CCDC33: variants seen among roughly 807,000 people sequenced by gnomAD.
The protein encoded by CCDC33 is coiled-coil domain-containing protein 33.
In CCDC33, 94 loss-of-function variants were observed where a neutral mutation model predicts 91.9. The ratio of observed to expected loss-of-function variants is 1.02; its 90% CI spans 0.87 to 1.21. The LOEUF (loss-of-function observed/expected upper bound fraction) is 1.21. CCDC33 is among the 50% of genes most tolerant of loss of function. The pLI is 0.00. For synonymous variants in CCDC33, 396 were observed against 374.5 expected, an observed-to-expected ratio of 1.06 and a Z score of -0.66; for missense variants, 940 against 935.5, an observed-to-expected ratio of 1.00 and a Z score of -0.06.
chr15:74,285,883 C>G (rs2059463143), intron 10 of CCDC33, among the ~76,000 whole-genome samples: 1 of 152,192 alleles, frequency 6.6e-6, no homozygotes, highest in Non-Finnish European at 1.5e-5. Context: ...TACAAAAACA[C>G]ATACACAGAA....
intron 2 of CCDC33, among the ~76,000 whole-genome samples, chr15:74,229,072 A>G (rs2074890839): frequency 6.6e-6 from 1 of 152,150 alleles, no homozygotes; most frequent in Non-Finnish European, 1.5e-5. Flanking sequence ...GAGGTACCCA[A>G]GGCTGTCACC....
chr15:74,328,911 C>T (rs2060367657), intron 11 of CCDC33, among the ~76,000 whole-genome samples: 1 of 152,222 alleles, frequency 6.6e-6, no homozygotes, highest in Admixed American at 6.5e-5. Flanking sequence ...AGGGGCTCAG[C>T]AAACGCAGGA....
intron 11 of CCDC33, among the ~76,000 whole-genome samples, chr15:74,297,960 A>T (rs2059720951): frequency 6.6e-6 from 1 of 152,182 alleles, no homozygotes; most frequent in Non-Finnish European, 1.5e-5. Flanking sequence ...AGAAGCAGGA[A>T]CCACAAGCAC....
chr15:74,295,690 C>T, intron 10 of CCDC33, 64 bp from the exon 11 acceptor site: 4 of 1,418,394 alleles, frequency 2.8e-6, no homozygotes, highest in Middle Eastern at 1.9e-4. Flanking sequence ...AGATGGTGTG[C>T]TTATGGTAGA....
chr15:74,228,078 T>C (rs1156688999), intron 2 of CCDC33, among the ~76,000 whole-genome samples: 1 of 152,206 alleles, frequency 6.6e-6, no homozygotes, highest in Non-Finnish European at 1.5e-5. Context: ...TGAACCCTGA[T>C]TCTATGCCAG....
intron 11 of CCDC33, among the ~76,000 whole-genome samples, chr15:74,322,033 G>A (rs1265068044): frequency 6.6e-6 from 1 of 152,142 alleles, no homozygotes; most frequent in Non-Finnish European, 1.5e-5. Flanking sequence ...GGAGTGGCCA[G>A]GGCTAAATTC....
intron 2 of CCDC33, 105 bp from the exon 3 acceptor site, chr15:74,262,335 T>C (rs1414445185): frequency 2.8e-6 from 4 of 1,436,408 alleles, no homozygotes; most frequent in Non-Finnish European, 3.8e-6. Flanking sequence ...GCTCTCCATA[T>C]TCTGTCCACC....
chr15:74,314,935 C>A (rs1352898169), intron 11 of CCDC33, among the ~76,000 whole-genome samples: 1 of 152,254 alleles, frequency 6.6e-6, no homozygotes, highest in Non-Finnish European at 1.5e-5. Flanking sequence ...CCAGAGAAGT[C>A]TGACAGCCTG....
At chr15:74,209,694 T>A in intron 2 of CCDC33, 5 of 503,492 alleles carry the variant, frequency 9.9e-6, no homozygotes, top group Non-Finnish European at 1.8e-5. Flanking sequence ...GCATCCCCCC[T>A]CACCTGAGCA....
rs1212580768 is a variant in CCDC33, at chr15:74,280,035, G to A, written c.832G>A (p.Ala278Thr). ...QSFLFQGRDGATSFSEDTALV... is the reference protein window; with the variant it reads ...QSFLFQGRDGTTSFSEDTALV... The stretch of plus-strand genomic sequence containing the variant: ...CTTCCTCTTCCAAGGCCGAGATGGA[G>A]CTACCAGCTTCTCAGAAGACACAGC... The change falls in exon 8 of 19, where the codon GCT (alanine) becomes ACT (threonine). Residue 278 changes from alanine (A) to threonine (T), a missense_variant. By Grantham distance (58) the Ala-to-Thr change is moderately conservative (BLOSUM62 0). Coordinates refer to ENST00000398814, the MANE Select transcript of CCDC33 (RefSeq NM_025055.5). 4 of 1,614,070 alleles carry A rather than the reference G, an allele frequency of 2.5e-6. No individual in the cohort carries two copies. Among genetic ancestry groups the A allele is most frequent in the Non-Finnish European group, 3.4e-6 (4 of 1,180,040 alleles).
intron 1 of CCDC33, chr15:74,207,946 G>C: frequency 6.9e-7 from 1 of 1,453,258 alleles, no homozygotes; most frequent in Non-Finnish European, 9.1e-7. Context: ...TCCACCTCCT[G>C]TCTCTCTACC....
chr15:74,319,972 AAC>A (rs2060172935), intron 11 of CCDC33, among the ~76,000 whole-genome samples: 1 of 152,202 alleles, frequency 6.6e-6, no homozygotes, highest in Non-Finnish European at 1.5e-5. Flanking sequence ...TCTTTGCCAT[AAC>A]CTTGGGCTGA....
chr15:74,241,570 G>T (rs1304300422), intron 1 of CCDC33, among the ~76,000 whole-genome samples: 1 of 152,236 alleles, frequency 6.6e-6, no homozygotes, highest in Non-Finnish European at 1.5e-5. Flanking sequence ...CCATTGCAAG[G>T]CTCTGAGAGA....
At chr15:74,221,895 A>T (rs919375147) in intron 2 of CCDC33, among the ~76,000 whole-genome samples, 1 of 152,042 alleles carries the variant, frequency 6.6e-6, no homozygotes, top group African/African-American at 2.4e-5. Context: ...GGCAGGTTTG[A>T]GACCATAGAG....
chr15:74,238,340 G>A (rs1358715761), intron 1 of CCDC33, among the ~76,000 whole-genome samples: 4 of 149,132 alleles, frequency 2.7e-5, no homozygotes, highest in African/African-American at 9.9e-5. Context: ...CCCAGGAGGC[G>A]GAGGTTGCAG....
intron 2 of CCDC33, among the ~76,000 whole-genome samples, chr15:74,221,865 G>A (rs1198831574): frequency 6.6e-6 from 1 of 152,092 alleles, no homozygotes; most frequent in African/African-American, 2.4e-5. Flanking sequence ...CCCCCTCAGC[G>A]CTGCCTCCTG....
At chr15:74,298,709 CTTTTTT>C (rs35450110) in intron 11 of CCDC33, among the ~76,000 whole-genome samples, 138 of 75,604 alleles carry the variant, frequency 1.8e-3, no homozygotes, top group Middle Eastern at 9.3e-3. Flanking sequence ...CTAATTCTGC[CTTTTTT>C]TTTTTTTTTT....
chr15:74,279,926 G>A (rs2076547387), intron 7 of CCDC33, 37 bp from the exon 8 acceptor site: 12 of 1,599,652 alleles, frequency 7.5e-6, no homozygotes, highest in Non-Finnish European at 1.0e-5. Context: ...GGGAGAAGCT[G>A]TGGCCCCCAC....
chr15:74,236,711 C>G lies in CCDC33; in HGVS notation c.-9C>G, dbSNP rs749566106. On this transcript the variant is annotated 5_prime_UTR_variant, in exon 1 of 19. Transcript: ENST00000398814. Reference sequence around the variant, plus strand: ...TTAAACAAGGCCAGACACTCCTGGCCTCAAGAGGATGGGACTGAAAAACAA... The same window carrying G: ...TTAAACAAGGCCAGACACTCCTGGCGTCAAGAGGATGGGACTGAAAAACAA... 1 of 1,613,726 alleles carries G rather than the reference C, an allele frequency of 6.2e-7. No individual in the cohort carries two copies. The highest frequency in any genetic ancestry group is 2.2e-5 in the East Asian group (1 of 44,882).
Sources: gnomAD v4.1 joint callset for allele counts (sites outside exome capture counted in the v4.1 genomes callset) on GRCh38, gnomAD v4.1.1 for gene constraint, MANE v1.5 for transcripts, NCBI Gene and HGNC (gene_info 2026-07-23, HGNC 2026-07-21) for gene names.